Variants in CEMIP observed in about 807,000 individuals in gnomAD.
CEMIP encodes cell migration-inducing and hyaluronan-binding protein.
A neutral mutation model predicts 156.9 loss-of-function variants in CEMIP; 105 were observed. The observed-to-expected ratio is 0.67, with a 90% confidence interval of 0.57 to 0.79. CEMIP has a LOEUF of 0.79. CEMIP is among the 30% of genes least tolerant of loss of function. The pLI is 0.00. For missense variants in CEMIP, 1,457 were observed against 1,769.4 expected (o/e 0.82, Z 3.17); for synonymous variants, 676 against 668.4 (o/e 1.01, Z -0.17).
intron 1 of CEMIP, among the ~76,000 whole-genome samples, chr15:80,829,859 A>T (rs561074993): frequency 1.3e-5 from 2 of 152,250 alleles, no homozygotes; most frequent in African/African-American, 4.8e-5. Flanking sequence ...CGCTTCCTTT[A>T]TGCAATTTCC....
intron 1 of CEMIP, among the ~76,000 whole-genome samples, chr15:80,824,836 T>C (rs965985022): frequency 1.3e-5 from 2 of 152,208 alleles, no homozygotes; most frequent in African/African-American, 4.8e-5. Flanking sequence ...GGTTCCCACA[T>C]AGTAAGCAGA....
chr15:80,836,300 A>G (rs1469835140), intron 1 of CEMIP, among the ~76,000 whole-genome samples: 1 of 152,198 alleles, frequency 6.6e-6, no homozygotes, highest in African/African-American at 2.4e-5. Flanking sequence ...GACTGGTGCT[A>G]TTAATGGGCT....
chr15:80,927,017 G>T (rs960808308), intron 19 of CEMIP, among the ~76,000 whole-genome samples: 14 of 152,274 alleles, frequency 9.2e-5, no homozygotes, highest in African/African-American at 3.4e-4. Flanking sequence ...TTTCAGTAGA[G>T]ACGGGGTTTC....
chr15:80,911,644 C>T (rs1900058137), intron 14 of CEMIP, among the ~76,000 whole-genome samples: 1 of 152,192 alleles, frequency 6.6e-6, no homozygotes, highest in African/African-American at 2.4e-5. Flanking sequence ...TCTTCAGTTT[C>T]CTCACACGTG....
intron 1 of CEMIP, among the ~76,000 whole-genome samples, chr15:80,813,281 T>C (rs75108055): frequency 0.011 from 1,736 of 152,106 alleles, 28 homozygotes; most frequent in Middle Eastern, 0.014. Flanking sequence ...TGGGACATAG[T>C]CAGTGTTCAG....
At chr15:80,822,188 C>A (rs1487255017) in intron 1 of CEMIP, among the ~76,000 whole-genome samples, 1 of 152,170 alleles carries the variant, frequency 6.6e-6, no homozygotes, top group African/African-American at 2.4e-5. Flanking sequence ...CTTCCTGGCT[C>A]CCCCAGATGT....
At chr15:80,942,874 G>T (rs1191691662) in intron 27 of CEMIP, 71 bp from the exon 28 acceptor site, 2 of 1,589,768 alleles carry the variant, frequency 1.3e-6, no homozygotes, top group Non-Finnish European at 1.7e-6. Context: ...GTCTGCTTGG[G>T]AACCACCTGG....
At chr15:80,880,192 C>T (rs1898600478) in intron 5 of CEMIP, among the ~76,000 whole-genome samples, 1 of 152,188 alleles carries the variant, frequency 6.6e-6, no homozygotes, top group South Asian at 2.1e-4. Context: ...CCATGTGGTA[C>T]TTGCCCCTGG....
At chr15:80,943,394 T>A (rs1901418226) in intron 28 of CEMIP, among the ~76,000 whole-genome samples, 1 of 152,152 alleles carries the variant, frequency 6.6e-6, no homozygotes, top group Non-Finnish European at 1.5e-5. Flanking sequence ...CATGATCTCA[T>A]CCCCTCCCAC....
At chr15:80,901,427 C>T (rs1320641729) in intron 12 of CEMIP, among the ~76,000 whole-genome samples, 2 of 152,114 alleles carry the variant, frequency 1.3e-5, no homozygotes, top group African/African-American at 4.8e-5. Context: ...CCTGGCCAGG[C>T]GTGGTGGCTT....
intron 1 of CEMIP, among the ~76,000 whole-genome samples, chr15:80,782,351 C>T (rs1345480228): frequency 6.6e-6 from 1 of 152,162 alleles, no homozygotes; most frequent in African/African-American, 2.4e-5. Context: ...CAGGGGTTCA[C>T]TGAGTGGTCA....
At chr15:80,814,912 C>G (rs77075482) in intron 1 of CEMIP, among the ~76,000 whole-genome samples, 3,751 of 152,216 alleles carry the variant, frequency 0.025, 170 homozygotes, top group African/African-American at 0.086. Context: ...GTCTCGAACT[C>G]CTGCCCTCAG....
intron 1 of CEMIP, among the ~76,000 whole-genome samples, chr15:80,818,140 A>G (rs1324304383): frequency 1.3e-5 from 2 of 152,210 alleles, no homozygotes; most frequent in Non-Finnish European, 2.9e-5. Flanking sequence ...ACTACAAAAA[A>G]ATATGTATTT....
At chr15:80,942,420 T>C (rs986675348) in intron 27 of CEMIP, 83 bp downstream of exon 27, 2 of 1,205,616 alleles carry the variant, frequency 1.7e-6, no homozygotes, top group African/African-American at 3.0e-5. Context: ...CACAAATTAC[T>C]GCAAACTGGG....
rs1043366317 is a variant in CEMIP, at chr15:80,932,152, C to G, written c.2793+113C>G. On this transcript the variant is annotated intron_variant, in intron 22 of 29. Transcript: ENST00000394685. This position sits in a 1 kb window ranked among gnomAD's most constrained non-coding sequence, Gnocchi z 4.5. ...TGCCACCACCGCAGGGGTTGAGAAG[C>G]CTCCTCCAACTAGGCTGGGCCATGT... The G allele has an allele frequency of 7.6e-6, 9 of 1,191,076 alleles. No individual in the cohort carries two copies. The highest frequency in any genetic ancestry group is 2.7e-4 in the Middle Eastern group (1 of 3,754). The allele number at this position is 1,191,076 out of a possible 1,614,324, so 73.8% of individuals were successfully genotyped here.
At chr15:80,859,526 C>A (rs748000855) in intron 1 of CEMIP, among the ~76,000 whole-genome samples, 12 of 152,228 alleles carry the variant, frequency 7.9e-5, no homozygotes, top group Non-Finnish European at 1.0e-4. Context: ...GTCAGAAGGC[C>A]TTTGCCCCAC....
chr15:80,793,189 A>G (rs1896126583), intron 1 of CEMIP, among the ~76,000 whole-genome samples: 1 of 152,200 alleles, frequency 6.6e-6, no homozygotes, highest in African/African-American at 2.4e-5. Context: ...TTTGAAGGGC[A>G]CAAACTCCTT....
intron 16 of CEMIP, 40 bp downstream of exon 16, chr15:80,921,141 G>A: frequency 1.3e-6 from 2 of 1,575,030 alleles, no homozygotes; most frequent in Non-Finnish European, 8.7e-7. Flanking sequence ...AAGTGAGGGT[G>A]GGGGCTGGAG....
In CEMIP at chr15:80,784,910, T is replaced by G. The variant is rs142702303; in HGVS notation, c.-176+5296T>G. On this transcript the variant is annotated intron_variant, in intron 1 of 29. Coordinates refer to ENST00000394685, the MANE Select transcript of CEMIP (RefSeq NM_001293298.2). ...GATTCCAATTCTTCTTGGTGTAATT[T>G]AAGTCAGTTCCCGTTGTCCGAGTTG... is the stretch of plus-strand genomic sequence containing the variant. Among the ~76,000 whole-genome samples, 1,082 of 152,306 alleles carry G rather than the reference T, an allele frequency of 7.1e-3. 20 individuals carry two copies. Among genetic ancestry groups the G allele is most frequent in the African/African-American group, 0.025 (1,036 of 41,552 alleles).
Sources: allele counts gnomAD v4.1 joint callset (sites outside exome capture counted in the v4.1 genomes callset), GRCh38; gene constraint gnomAD v4.1.1; non-coding constraint Gnocchi (gnomAD v3.1); transcripts MANE v1.5; gene names NCBI Gene and HGNC (gene_info 2026-07-23, HGNC 2026-07-21).